The following AGBL2 variants were observed in gnomAD, a reference collection of about 807,000 sequenced individuals.
AGBL2 encodes AGBL carboxypeptidase 2.
Under a neutral mutation model 103.0 loss-of-function variants are expected in AGBL2, and 87 were observed. The ratio of observed to expected loss-of-function variants is 0.84; its 90% CI spans 0.71 to 1.01. AGBL2 has a LOEUF of 1.01. Among genes scored for constraint, AGBL2 ranks in the 50% least tolerant of loss-of-function variants. AGBL2 has a pLI of 0.00. For missense variants in AGBL2, 904 were observed against 1,023.5 expected (o/e 0.88, Z 1.59); for synonymous variants, 335 against 356.7 (o/e 0.94, Z 0.69).
chr11:47,677,403 T>C lies in AGBL2; in HGVS notation c.2017-2A>G. The C allele has an allele frequency of 6.7e-7, 1 of 1,482,498 alleles. No individual in the cohort carries two copies. The highest frequency in any genetic ancestry group is 8.9e-7 in the Non-Finnish European group (1 of 1,119,834). The allele number at this position is 1,482,498 out of a possible 1,614,324, so 91.8% of individuals were successfully genotyped here. ...AAGCTCTGCTAGACACTGAGTGAAC[T>C]ATGAAAGTGAAAAAAAGAACTATTT... is the stretch of plus-strand genomic sequence containing the variant. On this transcript the variant is annotated splice_acceptor_variant, in intron 13 of 18. Transcript: ENST00000525123. LOFTEE classifies it high-confidence loss of function.
intron 14 of AGBL2, 46 bp from the exon 15 acceptor site, chr11:47,668,953 T>C (rs1338852067): frequency 1.5e-6 from 2 of 1,367,136 alleles, no homozygotes. Flanking sequence ...GTCATTGATA[T>C]GTCTAGGAAG....
chr11:47,688,106 C>T (rs2097431374), intron 10 of AGBL2, among the ~76,000 whole-genome samples: 1 of 152,076 alleles, frequency 6.6e-6, no homozygotes, highest in Non-Finnish European at 1.5e-5. Flanking sequence ...CCACGCCTGG[C>T]CAGATATTTC....
chr11:47,708,829 T>A (rs566707105), intron 4 of AGBL2, among the ~76,000 whole-genome samples: 277 of 145,954 alleles, frequency 1.9e-3, no homozygotes, highest in Middle Eastern at 0.014. Context: ...AAAAAAAAAA[T>A]TATCAATATT....
In AGBL2 at chr11:47,704,692, C is replaced by G. The variant is rs1005540945; in HGVS notation, c.437G>C (p.Arg146Thr). The stretch of plus-strand genomic sequence containing the variant: ...ATCCAACTCATCATAAAGAAGCTGT[C>G]TGCTCCTAAGATGTGGTAAACTCAG... The part of the protein sequence containing the change: ...HMLSLPHLRS[R>T]QLLYDELDEV... Residue 146 changes from arginine to threonine, a missense_variant, in exon 7 of 19, where the codon AGA becomes ACA. Coordinates refer to ENST00000525123, the MANE Select transcript of AGBL2 (RefSeq NM_024783.4). 3 of 1,614,022 alleles carry G rather than the reference C, an allele frequency of 1.9e-6. No individual in the cohort carries two copies. The highest frequency in any genetic ancestry group is 2.7e-5 in the African/African-American group (2 of 74,940).
chr11:47,699,635 A>T, intron 7 of AGBL2, 82 bp from the exon 8 acceptor site: 3 of 717,480 alleles, frequency 4.2e-6, no homozygotes, highest in Non-Finnish European at 6.4e-6. Context: ...TAATAATAAT[A>T]ATTTTTCAAA....
At chr11:47,665,706 G>A (rs530360577) in intron 17 of AGBL2, among the ~76,000 whole-genome samples, 2 of 152,048 alleles carry the variant, frequency 1.3e-5, no homozygotes, top group South Asian at 2.1e-4. Flanking sequence ...CTCCTGCCTC[G>A]GCTTTCCAAA....
At chr11:47,700,299 C>T (rs369898833) in intron 7 of AGBL2, among the ~76,000 whole-genome samples, 5 of 152,216 alleles carry the variant, frequency 3.3e-5, no homozygotes, top group African/African-American at 1.2e-4. Flanking sequence ...ATTTCTTTGG[C>T]TGGGTGCAGC....
chr11:47,662,886 G>A, intron 18 of AGBL2, 140 bp downstream of exon 18: 1 of 723,078 alleles, frequency 1.4e-6, no homozygotes, highest in Admixed American at 2.7e-5. Context: ...AAATGCCTTA[G>A]ATGTTCACCT....
chr11:47,680,204 C>A, intron 12 of AGBL2, 131 bp from the exon 13 acceptor site: 1 of 536,998 alleles, frequency 1.9e-6, no homozygotes, highest in Non-Finnish European at 3.3e-6. Context: ...GTAATCCCAG[C>A]ACTTTGGGAG....
chr11:47,696,110 C>T (rs1323504090), intron 8 of AGBL2, among the ~76,000 whole-genome samples: 1 of 134,910 alleles, frequency 7.4e-6, no homozygotes, highest in Admixed American at 7.9e-5. Context: ...AGGAACAAAT[C>T]GCTTGAACCT....
At chr11:47,696,674 C>A (rs779563146) in intron 8 of AGBL2, among the ~76,000 whole-genome samples, 2 of 152,066 alleles carry the variant, frequency 1.3e-5, no homozygotes, top group Non-Finnish European at 2.9e-5. Flanking sequence ...TCTAGCAATT[C>A]GTCCTGTTGA....
At position 47,666,985 on chromosome 11, in the gene AGBL2, T is replaced by C. The variant is rs1160378052; in HGVS notation, c.2419A>G (p.Met807Val). ...TTTAACCTTGGGTTTTCATTTTTCA[T>C]TGGTAAAAAACTGGAATTCTCTGAG... is the stretch of plus-strand genomic sequence containing the variant. The part of the protein sequence containing the change: ...KNSENSSFLP[M>V]KNENPRLNET... Residue 807 changes from methionine (M) to valine (V), a missense_variant, in exon 17 of 19, where the codon ATG becomes GTG. Transcript: ENST00000525123. 6 of 1,613,530 alleles carry C rather than the reference T, an allele frequency of 3.7e-6. No homozygotes were observed. The highest frequency in any genetic ancestry group is 2.2e-5 in the East Asian group (1 of 44,886).
Position 47,690,447 on chromosome 11 carries a change from G to A in AGBL2, c.1260C>T (p.Cys420=), listed in dbSNP as rs1209942592. ...GGCTCCTGCATAAAGTTTGGAGCTTGCAGAACTGAGACTGGATAGGGTTGT... is the reference window on the plus strand; with the variant it reads ...GGCTCCTGCATAAAGTTTGGAGCTTACAGAACTGAGACTGGATAGGGTTGT... ...VANNPIQSQF[C]KLQTLCRSLA... Residue 420 remains cysteine, a synonymous_variant, in exon 10 of 19, where the codon TGC becomes TGT. Coordinates refer to ENST00000525123, the MANE Select transcript of AGBL2 (RefSeq NM_024783.4). 16 of 1,614,044 alleles carry A rather than the reference G, an allele frequency of 9.9e-6. No homozygotes were observed. The highest frequency in any genetic ancestry group is 1.6e-4 in the Middle Eastern group (1 of 6,084).
At chr11:47,688,629 C>T (rs918777684) in intron 10 of AGBL2, among the ~76,000 whole-genome samples, 7 of 152,132 alleles carry the variant, frequency 4.6e-5, no homozygotes, top group Admixed American at 3.9e-4. Flanking sequence ...CTCACAGTAA[C>T]CACCCAAGGC....
intron 4 of AGBL2, among the ~76,000 whole-genome samples, chr11:47,710,019 C>A (rs952111253): frequency 6.6e-6 from 1 of 151,604 alleles, no homozygotes; most frequent in Non-Finnish European, 1.5e-5. Context: ...CCTCCCAAGT[C>A]CTGAGATTAC....
At chr11:47,698,181 T>A (rs892406502) in intron 8 of AGBL2, among the ~76,000 whole-genome samples, 1 of 147,638 alleles carries the variant, frequency 6.8e-6, no homozygotes, top group Admixed American at 6.8e-5. Flanking sequence ...TTTTTTTTTT[T>A]TTTTTTTTTG....
intron 14 of AGBL2, among the ~76,000 whole-genome samples, chr11:47,674,369 C>CTG (rs1283476971): frequency 1.3e-5 from 2 of 151,946 alleles, no homozygotes; most frequent in Non-Finnish European, 2.9e-5. Context: ...CGAGACCAGC[C>CTG]TATCCTAGGC....
chr11:47,678,330 A>ATTATTTT (rs1565026506), intron 13 of AGBL2, among the ~76,000 whole-genome samples: 2 of 114,376 alleles, frequency 1.7e-5, no homozygotes, highest in Admixed American at 9.3e-5. Context: ...ATTTTATTTT[A>ATTATTTT]TTTTATTATT....
chr11:47,686,201 A>C (rs2097422975), intron 10 of AGBL2, 152 bp from the exon 11 acceptor site: 4 of 720,164 alleles, frequency 5.6e-6, no homozygotes, highest in Non-Finnish European at 9.1e-6. Flanking sequence ...CCCTATCTCC[A>C]TTCTCAGCCA....
Sources: gnomAD v4.1 joint callset for allele counts (sites outside exome capture counted in the v4.1 genomes callset) on GRCh38, gnomAD v4.1.1 for gene constraint, MANE v1.5 for transcripts, NCBI Gene and HGNC (gene_info 2026-07-23, HGNC 2026-07-21) for gene names.